The following EDN3 variants were observed in gnomAD, a reference collection of about 807,000 sequenced individuals.
EDN3 encodes the protein endothelin-3.
Under a neutral mutation model 21.4 loss-of-function variants are expected in EDN3, and 9 were observed. The observed-to-expected ratio is 0.42, with a 90% CI of 0.25 to 0.73. The LOEUF (loss-of-function observed/expected upper bound fraction) is 0.73. Ranked by LOEUF, EDN3 falls within the 30% of genes least tolerant of loss-of-function variation. The pLI is 0.26. For missense variants in EDN3, 327 were observed against 309.4 expected (o/e 1.06, Z -0.43); for synonymous variants, 133 against 126.2 (o/e 1.05, Z -0.36).
At chr20:59,321,360 G>C (rs1021200789) in intron 3 of EDN3, among the ~76,000 whole-genome samples, 167 bp downstream of exon 3, 2 of 152,162 alleles carry the variant, frequency 1.3e-5, no homozygotes, top group African/African-American at 4.8e-5. Context: ...AAAGACCCAG[G>C]TCCTCAGCAT....
chr20:59,317,931 T>C (rs1384990544), intron 2 of EDN3, among the ~76,000 whole-genome samples: 1 of 152,192 alleles, frequency 6.6e-6, no homozygotes, highest in Non-Finnish European at 1.5e-5. Context: ...TAATCTGCCT[T>C]TAGACTTGGG....
At chr20:59,302,538 C>G (rs1157520084) in intron 2 of EDN3, among the ~76,000 whole-genome samples, 1 of 152,160 alleles carries the variant, frequency 6.6e-6, no homozygotes, top group Non-Finnish European at 1.5e-5. Context: ...GGGAACCCCT[C>G]CTGCAGGCAC....
At chr20:59,314,696 C>T (rs553393308) in intron 2 of EDN3, among the ~76,000 whole-genome samples, 2 of 152,246 alleles carry the variant, frequency 1.3e-5, no homozygotes, top group African/African-American at 4.8e-5. Context: ...GACTGCCCCC[C>T]AGAGACCTCA....
intron 2 of EDN3, among the ~76,000 whole-genome samples, chr20:59,306,962 T>C (rs1391238608): frequency 6.6e-6 from 1 of 152,122 alleles, no homozygotes; most frequent in East Asian, 1.9e-4. Flanking sequence ...CTGGCCAACA[T>C]GGTGAAACCC....
intron 2 of EDN3, among the ~76,000 whole-genome samples, chr20:59,317,363 T>C (rs559809105): frequency 1.3e-5 from 2 of 152,210 alleles, no homozygotes; most frequent in South Asian, 4.1e-4. Context: ...GGTGGGACTT[T>C]TCTGATACAA....
intron 2 of EDN3, among the ~76,000 whole-genome samples, chr20:59,319,732 A>G (rs1323557110): frequency 1.3e-5 from 2 of 151,408 alleles, no homozygotes; most frequent in African/African-American, 2.4e-5. Context: ...GTCTCAAAAA[A>G]AAAAAAAAAA....
In EDN3 at chr20:59,321,024, G is replaced by A; in HGVS notation, c.373G>A (p.Val125Met). The A allele has an allele frequency of 6.2e-7, 1 of 1,614,212 alleles. No homozygotes were observed. The highest frequency in any genetic ancestry group is 8.5e-7 in the Non-Finnish European group (1 of 1,180,046). The change falls in exon 3 of 5, where the codon GTG (valine) becomes ATG (methionine). Residue 125 changes from valine to methionine, a missense_variant. Coordinates refer to ENST00000337938, the MANE Select transcript of EDN3 (RefSeq NM_207034.3). Reference protein sequence around the residue: ...IIWINTPEQTVPYGLSNYRGS... With the variant: ...IIWINTPEQTMPYGLSNYRGS... ...TTACCCTGTGCTTTGCAGACAGACG[G>A]TGCCCTATGGACTGTCCAACTACAG...
intron 4 of EDN3, among the ~76,000 whole-genome samples, chr20:59,323,987 C>A (rs569022321): frequency 1.2e-4 from 18 of 152,336 alleles, no homozygotes; most frequent in African/African-American, 4.3e-4. Context: ...AGCCAATGTT[C>A]TTGCTTTCTT....
chr20:59,310,331 T>C (rs1989713905), intron 2 of EDN3, among the ~76,000 whole-genome samples: 1 of 152,158 alleles, frequency 6.6e-6, no homozygotes, highest in Non-Finnish European at 1.5e-5. Context: ...CACACACACA[T>C]ACACACAGAC....
At chr20:59,320,734 A>G (rs935748324) in intron 2 of EDN3, among the ~76,000 whole-genome samples, 6 of 152,202 alleles carry the variant, frequency 3.9e-5, no homozygotes, top group African/African-American at 1.2e-4. Flanking sequence ...ACATGCCCAG[A>G]CGCCTGCTGG....
At chr20:59,314,150 A>G (rs997631075) in intron 2 of EDN3, among the ~76,000 whole-genome samples, 2 of 152,160 alleles carry the variant, frequency 1.3e-5, no homozygotes, top group Admixed American at 6.5e-5. Context: ...CCTGTGGAGG[A>G]CAGACATTTC....
At chr20:59,320,102 T>G (rs560003580) in intron 2 of EDN3, among the ~76,000 whole-genome samples, 2 of 152,304 alleles carry the variant, frequency 1.3e-5, no homozygotes, top group African/African-American at 2.4e-5. Flanking sequence ...ACCATCACAC[T>G]CCTCCTGCCA....
At chr20:59,324,306 CT>C (rs1990716465) in intron 4 of EDN3, 24 bp from the exon 5 acceptor site, 1 of 1,607,686 alleles carries the variant, frequency 6.2e-7, no homozygotes, top group African/African-American at 1.3e-5. Context: ...CTTTTTTTTT[CT>C]TTTGCCCCCT....
In EDN3 at chr20:59,322,338, G is replaced by A. The variant is rs376592345; in HGVS notation, c.543-34G>A. On this transcript the variant is annotated intron_variant, in intron 3 of 4. Coordinates refer to ENST00000337938, the MANE Select transcript of EDN3 (RefSeq NM_207034.3). This position sits in a 1 kb window ranked among gnomAD's most constrained non-coding sequence, Gnocchi z 4.1. ...GAAAAACCAGCCACAGGGAAAGGCA[G>A]GTTGATTGATTAAAACCAGCTCTCT... is the stretch of plus-strand genomic sequence containing the variant. 3 of 1,613,544 alleles carry A rather than the reference G, an allele frequency of 1.9e-6. No individual in the cohort carries two copies. Among genetic ancestry groups the A allele is most frequent in the African/African-American group, 2.7e-5 (2 of 74,916 alleles).
intron 2 of EDN3, among the ~76,000 whole-genome samples, chr20:59,313,864 T>G (rs567402163): frequency 2.0e-5 from 3 of 152,354 alleles, no homozygotes; most frequent in Admixed American, 6.5e-5. Flanking sequence ...GGAGCTATGT[T>G]TCCTGGCCTA....
chr20:59,300,913 G>T, intron 1 of EDN3, 49 bp downstream of exon 1: 1 of 1,598,530 alleles, frequency 6.3e-7, no homozygotes, highest in Non-Finnish European at 8.5e-7. Flanking sequence ...GCACACAAAA[G>T]GACCCAGGGC....
At chr20:59,321,834 G>A (rs1295942226) in intron 3 of EDN3, among the ~76,000 whole-genome samples, 1 of 152,166 alleles carries the variant, frequency 6.6e-6, no homozygotes, top group Non-Finnish European at 1.5e-5. Flanking sequence ...ACGTTGAATG[G>A]AACCAACAGG....
chr20:59,304,926 C>T (rs1271786404), intron 2 of EDN3, among the ~76,000 whole-genome samples: 2 of 152,172 alleles, frequency 1.3e-5, no homozygotes, highest in East Asian at 3.9e-4. Context: ...GTCCTGCCAC[C>T]TGGGTACTCT....
chr20:59,305,355 G>A lies in EDN3; in HGVS notation c.365+3633G>A, dbSNP rs890104465. Among the ~76,000 whole-genome samples, 1 of 152,192 alleles carries A rather than the reference G, an allele frequency of 6.6e-6. No homozygotes were observed. Among genetic ancestry groups the A allele is most frequent in the Non-Finnish European group, 1.5e-5 (1 of 68,036 alleles). On this transcript the variant is annotated intron_variant, in intron 2 of 4. Transcript: ENST00000337938. This position sits in a 1 kb window ranked among gnomAD's most constrained non-coding sequence, Gnocchi z 4.2. ...AGTAAGGGGACAGGTGGTGAACAAGGGGTCCGTGTGCTGATGTCCTTGTAC... is the reference window on the plus strand; with the variant it reads ...AGTAAGGGGACAGGTGGTGAACAAGAGGTCCGTGTGCTGATGTCCTTGTAC...
Sources: gnomAD v4.1 joint callset for allele counts (sites outside exome capture counted in the v4.1 genomes callset) on GRCh38, gnomAD v4.1.1 for gene constraint, Gnocchi (gnomAD v3.1) non-coding constraint, MANE v1.5 for transcripts, NCBI Gene and HGNC (gene_info 2026-07-23, HGNC 2026-07-21) for gene names.